The following TNFSF4 variants were observed in gnomAD, a reference collection of about 807,000 sequenced individuals.
TNFSF4 encodes tumor necrosis factor ligand superfamily member 4.
TNFSF4 carries 4 observed loss-of-function variants against 7.3 expected under a neutral mutation model. That is an observed-to-expected ratio of 0.55 (90% CI 0.27 to 1.25). The LOEUF is 1.25. Among genes scored for constraint, TNFSF4 ranks in the 50% most tolerant of loss-of-function variants. The pLI is 0.12. For synonymous variants in TNFSF4, 76 were observed against 83.7 expected, an observed-to-expected ratio of 0.91 and a Z score of 0.50; for missense variants, 181 against 208.8, an observed-to-expected ratio of 0.87 and a Z score of 0.82.
downstream of TNFSF4, among the ~76,000 whole-genome samples, chr1:173,178,744 C>T (rs1648997353): frequency 6.6e-6 from 1 of 152,196 alleles, no homozygotes; most frequent in East Asian, 1.9e-4. Flanking sequence ...AATATGTATG[C>T]TCTAATGCCT....
chr1:173,301,980 A>G, the TNFSF4 span, among the ~76,000 whole-genome samples: 1 of 151,824 alleles, frequency 6.6e-6, no homozygotes, highest in Non-Finnish European at 1.5e-5. Flanking sequence ...AGTTATTTTG[A>G]TGTGTGGAAT....
the TNFSF4 span, among the ~76,000 whole-genome samples, chr1:173,325,622 G>C: frequency 6.6e-6 from 1 of 151,840 alleles, no homozygotes; most frequent in Admixed American, 6.6e-5. Flanking sequence ...CCGCTAGCAA[G>C]ACTAATAAAG....
chr1:173,210,894 G>C (rs1650353917), upstream of TNFSF4, among the ~76,000 whole-genome samples: 1 of 152,148 alleles, frequency 6.6e-6, no homozygotes, highest in South Asian at 2.1e-4. Context: ...CCTCCTGCAG[G>C]AAGGGATATG....
chr1:173,418,472 G>C, the TNFSF4 span: 1 of 152,066 alleles, frequency 6.6e-6, no homozygotes, highest in African/African-American at 2.4e-5. Context: ...CTGCTGAGTG[G>C]CATAACAGTG....
the TNFSF4 span, among the ~76,000 whole-genome samples, chr1:173,256,518 T>C: frequency 1.8e-4 from 27 of 152,016 alleles, no homozygotes; most frequent in African/African-American, 1.9e-4. Flanking sequence ...AGCCATCACA[T>C]TGGGGGCTAG....
chr1:173,296,071 A>T, the TNFSF4 span, among the ~76,000 whole-genome samples: 1 of 152,024 alleles, frequency 6.6e-6, no homozygotes, highest in South Asian at 2.1e-4. Context: ...GTACATTCCT[A>T]TTAAATGGAG....
chr1:173,368,702 A>G, the TNFSF4 span, among the ~76,000 whole-genome samples: 1 of 151,952 alleles, frequency 6.6e-6, no homozygotes, highest in South Asian at 2.1e-4. Context: ...CGGGGTCCCG[A>G]CAACAAGTTG....
the TNFSF4 span, chr1:173,174,303 C>T: frequency 5.9e-5 from 9 of 152,234 alleles, no homozygotes; most frequent in African/African-American, 2.2e-4. Flanking sequence ...AACTTTTCCA[C>T]ATTTTCCTGT....
the TNFSF4 span, among the ~76,000 whole-genome samples, chr1:173,312,160 A>G: frequency 2.1e-4 from 32 of 152,254 alleles, no homozygotes; most frequent in South Asian, 3.9e-3. Flanking sequence ...TTTTTCCTGT[A>G]TAGTACCATC....
chr1:173,341,705 G>A, the TNFSF4 span, among the ~76,000 whole-genome samples: 8 of 152,330 alleles, frequency 5.3e-5, no homozygotes, highest in Non-Finnish European at 1.0e-4. Context: ...TTAGTGGTAT[G>A]CAATAAGCTT....
the TNFSF4 span, among the ~76,000 whole-genome samples, chr1:173,429,475 T>C: frequency 6.6e-6 from 1 of 152,220 alleles, no homozygotes; most frequent in Admixed American, 6.5e-5. Flanking sequence ...ACAGAGAAGC[T>C]GAGAGGGGAC....
the TNFSF4 span, among the ~76,000 whole-genome samples, chr1:173,380,362 G>T: frequency 6.6e-6 from 1 of 151,994 alleles, no homozygotes; most frequent in Non-Finnish European, 1.5e-5. Flanking sequence ...GGCATTGGAA[G>T]GACAATTCGG....
At chr1:173,326,592 C>T in the TNFSF4 span, among the ~76,000 whole-genome samples, 37 of 152,060 alleles carry the variant, frequency 2.4e-4, no homozygotes, top group Admixed American at 7.2e-4. Context: ...TGTTTGCAGA[C>T]GACATGATTG....
chr1:173,444,355 TGC>T, the TNFSF4 span, among the ~76,000 whole-genome samples: 1 of 151,938 alleles, frequency 6.6e-6, no homozygotes, highest in South Asian at 2.1e-4. Flanking sequence ...GGATGATGAG[TGC>T]TTTTTTTTCT....
the TNFSF4 span, among the ~76,000 whole-genome samples, chr1:173,273,417 G>C: frequency 5.3e-5 from 8 of 152,130 alleles, no homozygotes; most frequent in East Asian, 1.5e-3. Flanking sequence ...TAAGTTTATT[G>C]TGGTGCAAAA....
At chr1:173,205,163 T>A in intron 1 of TNFSF4, 1 of 886,418 alleles carries the variant, frequency 1.1e-6, no homozygotes, top group South Asian at 2.4e-5. Context: ...GTGAAGAACT[T>A]CAAATATCCT....
At chr1:173,177,314 C>A in the TNFSF4 span, among the ~76,000 whole-genome samples, 12 of 152,162 alleles carry the variant, frequency 7.9e-5, no homozygotes, top group African/African-American at 2.2e-4. Flanking sequence ...GAGCTGGAAG[C>A]CATTATACTA....
At chr1:173,342,012 C>T in the TNFSF4 span, among the ~76,000 whole-genome samples, 1 of 152,106 alleles carries the variant, frequency 6.6e-6, no homozygotes, top group Non-Finnish European at 1.5e-5. Context: ...GGTCATAGCA[C>T]AGTGTTGGAC....
chr1:173,386,940 G>A, the TNFSF4 span, among the ~76,000 whole-genome samples: 10 of 152,210 alleles, frequency 6.6e-5, no homozygotes, highest in Non-Finnish European at 1.3e-4. Flanking sequence ...GGAAATGTCT[G>A]TCCTACTTGT....
Sources: gnomAD v4.1 joint callset for allele counts (sites outside exome capture counted in the v4.1 genomes callset) on GRCh38, gnomAD v4.1.1 for gene constraint, MANE v1.5 for transcripts, NCBI Gene and HGNC (gene_info 2026-07-23, HGNC 2026-07-21) for gene names.